Variants in RCSD1 observed in about 807,000 individuals in gnomAD.
The protein encoded by RCSD1 is RCSD domain containing 1.
RCSD1 carries 26 observed loss-of-function variants against 42.5 expected under a neutral mutation model. The ratio of observed to expected loss-of-function variants is 0.61; its 90% CI spans 0.45 to 0.85. The LOEUF is 0.85. RCSD1 is among the 40% of genes least tolerant of loss of function. RCSD1 has a pLI of 0.00. For synonymous variants in RCSD1, 220 were observed against 212.2 expected, an observed-to-expected ratio of 1.04 and a Z score of -0.32; for missense variants, 571 against 528.3, an observed-to-expected ratio of 1.08 and a Z score of -0.79.
chr1:167,670,246 G>A (rs1658769864), intron 1 of RCSD1, among the ~76,000 whole-genome samples: 1 of 151,810 alleles, frequency 6.6e-6, no homozygotes, highest in Admixed American at 6.6e-5. Context: ...AACTTACCTT[G>A]GAGAGTAACA....
At chr1:167,634,379 G>GTT (rs34071293) in intron 1 of RCSD1, among the ~76,000 whole-genome samples, 5,471 of 148,282 alleles carry the variant, frequency 0.037, 323 homozygotes, top group African/African-American at 0.13. Context: ...GAAGATCAGG[G>GTT]TTTTTTTTTT....
At chr1:167,649,314 C>CG (rs1450471617) in intron 1 of RCSD1, among the ~76,000 whole-genome samples, 1 of 151,972 alleles carries the variant, frequency 6.6e-6, no homozygotes, top group African/African-American at 2.4e-5. Flanking sequence ...GGGCTTGATC[C>CG]GGGAGGTGCC....
intron 1 of RCSD1, among the ~76,000 whole-genome samples, chr1:167,652,018 CTT>C (rs66622527): frequency 3.5e-3 from 378 of 108,090 alleles, no homozygotes; most frequent in Middle Eastern, 5.1e-3. Context: ...CTCTGTTCAT[CTT>C]TTTTTTTTTT....
chr1:167,688,537 C>A lies in RCSD1; in HGVS notation c.199-1512C>A, dbSNP rs1045331123. On this transcript the variant is annotated intron_variant, in intron 3 of 6. Transcript: ENST00000367854. ...AGGAGTCCTTAGAATCATTTATTCC[C>A]GCCCAGCTGCATCTTGGTAGAGGAG... Among the ~76,000 whole-genome samples the A allele has an allele frequency of 1.6e-4, 24 of 152,134 alleles. 1 individual carries two copies. Among genetic ancestry groups the A allele is most frequent in the African/African-American group, 5.8e-4 (24 of 41,400 alleles).
chr1:167,640,937 A>AT (rs1311677438), intron 1 of RCSD1, among the ~76,000 whole-genome samples: 1 of 152,150 alleles, frequency 6.6e-6, no homozygotes, highest in African/African-American at 2.4e-5. Context: ...GAACTTGGGG[A>AT]TTGGAGGAGT....
At chr1:167,651,118 C>A (rs1385047985) in intron 1 of RCSD1, among the ~76,000 whole-genome samples, 2 of 152,126 alleles carry the variant, frequency 1.3e-5, no homozygotes, top group African/African-American at 4.8e-5. Flanking sequence ...ATCGTAATGA[C>A]CTTGTTTTAA....
At position 167,701,670 on chromosome 1, in the gene RCSD1, CTCAG is replaced by C. The variant is rs1202778673; in HGVS notation, c.1219-2990_1219-2987del. On this transcript the variant is annotated intron_variant, in intron 6 of 6. Transcript: ENST00000367854. ...ACAGGAGTTGTCCATGGTCACAGAGCTCAGTCAATGTTGACATATTAGGCACCTG... is the reference window on the plus strand; with the variant it reads ...ACAGGAGTTGTCCATGGTCACAGAGCTCAATGTTGACATATTAGGCACCTG... 3.9e-5 allele frequency among the ~76,000 whole-genome samples: 6 copies of C among 152,262 alleles called. No homozygotes were observed. In the East Asian group the frequency reaches 1.2e-3, roughly 29 times the overall value.
chr1:167,670,720 T>C (rs574270067), intron 1 of RCSD1, among the ~76,000 whole-genome samples: 1 of 151,882 alleles, frequency 6.6e-6, no homozygotes, highest in East Asian at 1.9e-4. Context: ...CCAGTCCTGC[T>C]CCTCCCCTCG....
At position 167,693,819 on chromosome 1, in the gene RCSD1, T is replaced by A. The variant is rs115890715; in HGVS notation, c.271-280T>A. 7.7e-3 allele frequency among the ~76,000 whole-genome samples: 1,175 copies of A among 152,310 alleles called. 9 individuals are homozygous for A. The highest frequency in any genetic ancestry group is 0.041 in the Middle Eastern group (12 of 294). ...GCTGCTTCGCCACTTTGTTGATAAGTTGAGCTTGTTCTGGGAAATTTTTGT... is the reference window on the plus strand; with the variant it reads ...GCTGCTTCGCCACTTTGTTGATAAGATGAGCTTGTTCTGGGAAATTTTTGT... On this transcript the variant is annotated intron_variant, in intron 4 of 6. Transcript: ENST00000367854.
intron 1 of RCSD1, among the ~76,000 whole-genome samples, chr1:167,638,953 T>A (rs1035314954): frequency 6.6e-6 from 1 of 152,136 alleles, no homozygotes; most frequent in African/African-American, 2.4e-5. Flanking sequence ...GGCGGTGGCT[T>A]ATGCCTGTAA....
intron 1 of RCSD1, among the ~76,000 whole-genome samples, chr1:167,679,645 T>C (rs1379961767): frequency 6.6e-6 from 1 of 152,206 alleles, no homozygotes; most frequent in African/African-American, 2.4e-5. Context: ...AGAAACTTCC[T>C]TTTGGCCAAG....
At chr1:167,681,649 G>T (rs1490576439) in intron 1 of RCSD1, among the ~76,000 whole-genome samples, 1 of 152,134 alleles carries the variant, frequency 6.6e-6, no homozygotes, top group Non-Finnish European at 1.5e-5. Context: ...TTATCTTCCT[G>T]CTCCACCAGT....
intron 4 of RCSD1, among the ~76,000 whole-genome samples, chr1:167,691,133 T>C: frequency 6.6e-6 from 1 of 152,166 alleles, no homozygotes; most frequent in East Asian, 1.9e-4. Flanking sequence ...GCAGGGGCTG[T>C]CTCGTGCACG....
chr1:167,670,138 C>T (rs941350390), intron 1 of RCSD1, among the ~76,000 whole-genome samples: 1 of 152,108 alleles, frequency 6.6e-6, no homozygotes, highest in African/African-American at 2.4e-5. Context: ...TGGAGACCAA[C>T]CACCCTTCAG....
chr1:167,693,964 G>T, intron 4 of RCSD1, 135 bp from the exon 5 acceptor site: 1 of 736,380 alleles, frequency 1.4e-6, no homozygotes, highest in Non-Finnish European at 2.3e-6. Context: ...AGTGGATAAT[G>T]GGTTGGGAAG....
chr1:167,640,325 G>T (rs1657975529), intron 1 of RCSD1: 1 of 152,254 alleles, frequency 6.6e-6, no homozygotes. Context: ...GGCTCCTGGT[G>T]GTTGCCAGCT....
chr1:167,649,533 G>C (rs796345678), intron 1 of RCSD1, among the ~76,000 whole-genome samples: 1 of 152,030 alleles, frequency 6.6e-6, no homozygotes, highest in African/African-American at 2.4e-5. Context: ...CCAGAGTGAT[G>C]GGGGGGCAGA....
Position 167,707,770 on chromosome 1 carries a change from G to A in RCSD1, c.*3074G>A, listed in dbSNP as rs1372837835. Reference sequence around the variant, plus strand: ...CAACCTCTGCCTCCTGCATTCAAGCGATTCTCGTGCCTCAGCCTCCCAAGT... The same window carrying A: ...CAACCTCTGCCTCCTGCATTCAAGCAATTCTCGTGCCTCAGCCTCCCAAGT... On this transcript the variant is annotated 3_prime_UTR_variant, in exon 7 of 7. Coordinates refer to ENST00000367854, the MANE Select transcript of RCSD1 (RefSeq NM_052862.4). Among the ~76,000 whole-genome samples the A allele has an allele frequency of 2.0e-5, 3 of 152,038 alleles. No individual in the cohort carries two copies. The highest frequency in any genetic ancestry group is 6.6e-5 in the Admixed American group (1 of 15,256).
At chr1:167,644,953 G>C (rs977930879) in intron 1 of RCSD1, among the ~76,000 whole-genome samples, 3 of 152,194 alleles carry the variant, frequency 2.0e-5, no homozygotes, top group Admixed American at 6.5e-5. Context: ...TTTTTGACAA[G>C]ATGTATTCAG....
Sources: allele counts gnomAD v4.1 joint callset (sites outside exome capture counted in the v4.1 genomes callset), GRCh38; gene constraint gnomAD v4.1.1; transcripts MANE v1.5; gene names NCBI Gene and HGNC (gene_info 2026-07-23, HGNC 2026-07-21).